ERBB4: variants seen among roughly 807,000 people sequenced by gnomAD.
The protein encoded by ERBB4 is erb-b2 receptor tyrosine kinase 4, also known as receptor tyrosine-protein kinase erbB-4.
In ERBB4, 42 loss-of-function variants were observed where a neutral mutation model predicts 158.0. The ratio of observed to expected loss-of-function variants is 0.27; its 90% confidence interval spans 0.21 to 0.34. The LOEUF is 0.34. Among genes scored for constraint, ERBB4 ranks in the 10% least tolerant of loss-of-function variants. ERBB4 has a pLI of 1.00. For synonymous variants in ERBB4, 583 were observed against 558.7 expected (o/e 1.04, Z -0.61); for missense variants, 1,333 against 1,624.1 (o/e 0.82, Z 3.08).
At chr2:212,009,620 A>AAGTGGTATAAGGAAGTTGAGAGTGAGAG (rs1463346783) in intron 2 of ERBB4, among the ~76,000 whole-genome samples, 2 of 152,192 alleles carry the variant, frequency 1.3e-5, no homozygotes, top group African/African-American at 2.4e-5. Flanking sequence ...AGTCTATTTT[A>AAGTGGTATAAGGAAGTTGAGAGTGAGAG]AGTGGTATAA....
chr2:211,803,026 TC>T (rs1363257699), intron 3 of ERBB4, among the ~76,000 whole-genome samples: 7 of 152,174 alleles, frequency 4.6e-5, no homozygotes, highest in Admixed American at 6.5e-5. Context: ...TCAAGGAAAA[TC>T]CTTTCACACA....
intron 2 of ERBB4, among the ~76,000 whole-genome samples, chr2:211,957,252 T>C (rs2081059797): frequency 6.6e-6 from 1 of 151,832 alleles, no homozygotes; most frequent in Non-Finnish European, 1.5e-5. Context: ...CGGGCCCTAA[T>C]CCAATATAAC....
chr2:211,626,882 G>A (rs2125864419), intron 17 of ERBB4, among the ~76,000 whole-genome samples: 1 of 151,300 alleles, frequency 6.6e-6, no homozygotes, highest in African/African-American at 2.4e-5. Flanking sequence ...CCGAGATCGC[G>A]CCACTGCACT....
intron 3 of ERBB4, among the ~76,000 whole-genome samples, chr2:211,889,749 C>A (rs545128529): frequency 1.3e-5 from 2 of 150,676 alleles, no homozygotes; most frequent in African/African-American, 4.9e-5. Flanking sequence ...TCGAGAACTA[C>A]GTGAAGAATG....
chr2:212,150,939 T>C (rs1161113301), intron 1 of ERBB4, among the ~76,000 whole-genome samples: 1 of 152,130 alleles, frequency 6.6e-6, no homozygotes, highest in Non-Finnish European at 1.5e-5. Context: ...TAAAACATAA[T>C]GACAGTAATA....
rs1308888062 is a variant in ERBB4, at chr2:211,702,314, C to A, written c.1290-148G>T. The A allele has an allele frequency of 8.3e-6, 6 of 725,308 alleles. No individual in the cohort carries two copies. In the Admixed American group the frequency reaches 1.1e-4, roughly 13 times the overall value. The allele number at this position is 725,308 out of a possible 1,614,324, so 44.9% of individuals were successfully genotyped here. On this transcript the variant is annotated intron_variant, in intron 11 of 27. Transcript: ENST00000342788. ...GTGTTTAGAATATTGTTTTTACATG[C>A]TATATACAGTTTTTAAAGTAATAAT... is the stretch of plus-strand genomic sequence containing the variant.
chr2:212,459,246 T>G (rs1688455984), intron 1 of ERBB4, among the ~76,000 whole-genome samples: 1 of 152,066 alleles, frequency 6.6e-6, no homozygotes, highest in African/African-American at 2.4e-5. Context: ...ATTCCCATAA[T>G]CTTATCAAGT....
intron 3 of ERBB4, among the ~76,000 whole-genome samples, chr2:211,802,842 A>G (rs1285595390): frequency 6.6e-6 from 1 of 152,188 alleles, no homozygotes; most frequent in Non-Finnish European, 1.5e-5. Context: ...GGAGGAGAGG[A>G]GGGAGAACTC....
intron 20 of ERBB4, among the ~76,000 whole-genome samples, chr2:211,505,121 A>G (rs927139642): frequency 1.3e-5 from 2 of 152,108 alleles, no homozygotes; most frequent in Admixed American, 6.5e-5. Context: ...GATACTATAT[A>G]AGATGAACAT....
At chr2:212,033,748 C>A (rs2076953761) in intron 2 of ERBB4, among the ~76,000 whole-genome samples, 2 of 151,670 alleles carry the variant, frequency 1.3e-5, no homozygotes, top group Admixed American at 6.6e-5. Flanking sequence ...GTCATGGAGA[C>A]CTTAGTTTAA....
At chr2:212,448,589 G>T (rs2092399034) in intron 1 of ERBB4, among the ~76,000 whole-genome samples, 1 of 151,940 alleles carries the variant, frequency 6.6e-6, no homozygotes. Context: ...CACTTAAAAA[G>T]GAAATAATGA....
intron 1 of ERBB4, among the ~76,000 whole-genome samples, chr2:212,298,880 T>C (rs888475178): frequency 2.0e-5 from 3 of 151,670 alleles, no homozygotes; most frequent in African/African-American, 7.2e-5. Flanking sequence ...GGAGGAATAA[T>C]TACCTCAAAT....
At chr2:212,210,937 C>T (rs901057726) in intron 1 of ERBB4, among the ~76,000 whole-genome samples, 4 of 152,062 alleles carry the variant, frequency 2.6e-5, no homozygotes, top group African/African-American at 4.8e-5. Context: ...CTCTCATGCT[C>T]AAACCAAAGT....
At chr2:211,756,232 A>G (rs938216246) in intron 4 of ERBB4, among the ~76,000 whole-genome samples, 1 of 152,140 alleles carries the variant, frequency 6.6e-6, no homozygotes, top group African/African-American at 2.4e-5. Context: ...TTGCGAAAAT[A>G]TAGGTATGTA....
chr2:211,444,478 T>G (rs1488084565), intron 20 of ERBB4, among the ~76,000 whole-genome samples: 1 of 152,126 alleles, frequency 6.6e-6, no homozygotes, highest in Non-Finnish European at 1.5e-5. Context: ...ATTCACATTT[T>G]TAAAATTTTA....
At chr2:211,399,135 T>TAATTA (rs2062981657) in intron 25 of ERBB4, among the ~76,000 whole-genome samples, 1 of 152,248 alleles carries the variant, frequency 6.6e-6, no homozygotes. Flanking sequence ...TCATTATATT[T>TAATTA]AATTATTGAT....
intron 1 of ERBB4, among the ~76,000 whole-genome samples, chr2:212,352,734 T>A (rs1489928406): frequency 6.6e-6 from 1 of 151,558 alleles, no homozygotes. Context: ...TGGGTGTGGT[T>A]GTGGGCACCT....
intron 3 of ERBB4, among the ~76,000 whole-genome samples, chr2:211,902,435 C>T (rs1418555635): frequency 6.6e-6 from 1 of 151,800 alleles, no homozygotes; most frequent in Non-Finnish European, 1.5e-5. Context: ...CCAACTAATA[C>T]TGTACAAAAT....
intron 16 of ERBB4, among the ~76,000 whole-genome samples, chr2:211,645,695 C>T (rs2070760245): frequency 6.6e-6 from 1 of 151,604 alleles, no homozygotes; most frequent in Non-Finnish European, 1.5e-5. Flanking sequence ...TTTGATGGAA[C>T]CTGTCTAATT....
Sources: gnomAD v4.1 joint callset for allele counts (sites outside exome capture counted in the v4.1 genomes callset) on GRCh38, gnomAD v4.1.1 for gene constraint, MANE v1.5 for transcripts, NCBI Gene and HGNC (gene_info 2026-07-23, HGNC 2026-07-21) for gene names.